Variants in CPQ observed in about 807,000 individuals in gnomAD.
The protein encoded by CPQ is Ser-Met dipeptidase.
CPQ carries 37 observed loss-of-function variants against 45.7 expected under a neutral mutation model. The ratio of observed to expected loss-of-function variants is 0.81; its 90% CI spans 0.62 to 1.07. The LOEUF (loss-of-function observed/expected upper bound fraction) is 1.07, where lower values mean the gene tolerates loss of function less well. CPQ is among the 50% of genes least tolerant of loss of function. The pLI is 0.00. For synonymous variants in CPQ, 186 were observed against 205.8 expected, an observed-to-expected ratio of 0.90 and a Z score of 0.82; for missense variants, 537 against 572.9, an observed-to-expected ratio of 0.94 and a Z score of 0.64.
At chr8:97,045,241 C>G (rs1159863057) in intron 6 of CPQ, among the ~76,000 whole-genome samples, 1 of 151,958 alleles carries the variant, frequency 6.6e-6, no homozygotes, top group Non-Finnish European at 1.5e-5. Context: ...TGATCTCAGA[C>G]TGCTGTGCTA....
chr8:96,897,631 G>A (rs1366001796), intron 4 of CPQ, among the ~76,000 whole-genome samples: 31 of 152,158 alleles, frequency 2.0e-4, no homozygotes, highest in Admixed American at 1.9e-3. Context: ...TGTATAAGGT[G>A]TATAAGAAAC....
chr8:97,040,118 A>G (rs1368948450), intron 6 of CPQ, among the ~76,000 whole-genome samples: 1 of 148,234 alleles, frequency 6.7e-6, no homozygotes, highest in East Asian at 2.0e-4. Context: ...AAGTGTTCCT[A>G]TTTCTCCACA....
intron 7 of CPQ, among the ~76,000 whole-genome samples, chr8:97,117,559 G>T (rs1358705851): frequency 6.6e-6 from 1 of 151,610 alleles, no homozygotes; most frequent in South Asian, 2.1e-4. Context: ...TTTGAGACAG[G>T]ATCTTGCCCT....
At chr8:96,840,503 G>A (rs972857756) in intron 3 of CPQ, among the ~76,000 whole-genome samples, 2 of 152,228 alleles carry the variant, frequency 1.3e-5, no homozygotes, top group African/African-American at 4.8e-5. Context: ...CCTAATACCC[G>A]TTGTATCAGA....
intron 1 of CPQ, among the ~76,000 whole-genome samples, chr8:96,769,032 C>T (rs542531732): frequency 6.6e-6 from 1 of 152,188 alleles, no homozygotes; most frequent in African/African-American, 2.4e-5. Context: ...ATATCTCCAA[C>T]TTTATAGTTT....
chr8:96,785,119 T>C lies in CPQ; in HGVS notation c.222T>C (p.Val74=), dbSNP rs1466780299. 3 of 1,613,636 alleles carry C rather than the reference T, an allele frequency of 1.9e-6. No individual in the cohort carries two copies. The highest frequency in any genetic ancestry group is 2.5e-6 in the Non-Finnish European group (3 of 1,179,828). ...GATTGGCACTTCTGGTTGATACTGT[T>C]GGACCCAGACTGAGTGGCTCCAAGA... ...YERLALLVDT[V]GPRLSGSKNL... The change falls in exon 2 of 8, where the codon GTT becomes GTC. Residue 74 remains valine, a synonymous_variant. Coordinates refer to ENST00000220763, the MANE Select transcript of CPQ (RefSeq NM_016134.4).
intron 1 of CPQ, among the ~76,000 whole-genome samples, chr8:96,717,341 C>A (rs1343335367): frequency 1.3e-5 from 2 of 151,832 alleles, no homozygotes; most frequent in Admixed American, 6.6e-5. Context: ...TACATTCCCA[C>A]CAGCAGTGTA....
At position 96,737,885 on chromosome 8, in the gene CPQ, A is replaced by G. The variant is rs139194481; in HGVS notation, c.-34-46979A>G. The stretch of plus-strand genomic sequence containing the variant: ...TGGCTCTAAATCTGTCTCTATCTGC[A>G]TCTCACAATTCTTGATTTGTAGTTC... On this transcript the variant is annotated intron_variant, in intron 1 of 7. Coordinates refer to ENST00000220763, the MANE Select transcript of CPQ (RefSeq NM_016134.4). Among the ~76,000 whole-genome samples, 722 of 152,288 alleles carry G rather than the reference A, an allele frequency of 4.7e-3. 11 individuals are homozygous for G. Among genetic ancestry groups the G allele is most frequent in the African/African-American group, 0.012 (509 of 41,564 alleles).
intron 1 of CPQ, among the ~76,000 whole-genome samples, chr8:96,713,354 TC>T (rs562409673): frequency 6.6e-4 from 100 of 152,236 alleles, no homozygotes; most frequent in Admixed American, 1.9e-3. Context: ...AGCGCCCCAT[TC>T]CCGTTACCAA....
chr8:97,135,956 G>C (rs1812050820), intron 7 of CPQ, among the ~76,000 whole-genome samples: 1 of 152,174 alleles, frequency 6.6e-6, no homozygotes, highest in African/African-American at 2.4e-5. Context: ...TGGTGACTTT[G>C]AGAATCTTTG....
rs576498257 is a variant in CPQ at position 96,963,026 on chromosome 8, A to G, written c.850-2909A>G. 1.7e-3 allele frequency among the ~76,000 whole-genome samples: 252 copies of G among 152,306 alleles called. 3 individuals carry two copies. The highest frequency in any genetic ancestry group is 0.013 in the Admixed American group (194 of 15,294). ...ATCGCTTAGTTTCCTATCATTCAAA[A>G]ACCATCTTTCCAATTTTTTAACTAC... On this transcript the variant is annotated intron_variant, in intron 4 of 7. Transcript: ENST00000220763.
intron 1 of CPQ, among the ~76,000 whole-genome samples, chr8:96,778,898 C>T (rs1810649767): frequency 6.6e-6 from 1 of 151,876 alleles, no homozygotes; most frequent in Non-Finnish European, 1.5e-5. Flanking sequence ...AAAGCTGTCT[C>T]TACTGAAAAT....
chr8:96,824,068 T>G (rs1292650335), intron 2 of CPQ, among the ~76,000 whole-genome samples: 1 of 152,086 alleles, frequency 6.6e-6, no homozygotes, highest in Non-Finnish European at 1.5e-5. Flanking sequence ...TTAGTGGAGA[T>G]GGCCTCTAAA....
intron 3 of CPQ, among the ~76,000 whole-genome samples, chr8:96,843,992 T>C (rs1811651531): frequency 6.6e-6 from 1 of 152,242 alleles, no homozygotes. Context: ...TTGGCTGCTA[T>C]TTTGCATTCA....
At chr8:96,697,871 A>G (rs926814885) in intron 1 of CPQ, among the ~76,000 whole-genome samples, 1 of 152,174 alleles carries the variant, frequency 6.6e-6, no homozygotes, top group African/African-American at 2.4e-5. Flanking sequence ...AAAAAATGGA[A>G]AGATATTCCA....
chr8:97,130,568 A>C (rs1295486558), intron 7 of CPQ, among the ~76,000 whole-genome samples: 1 of 152,074 alleles, frequency 6.6e-6, no homozygotes, highest in Non-Finnish European at 1.5e-5. Flanking sequence ...TGTCCTAAAA[A>C]ATTATATTAA....
chr8:97,004,929 T>A (rs1211286390), intron 5 of CPQ, among the ~76,000 whole-genome samples: 2 of 152,190 alleles, frequency 1.3e-5, no homozygotes, highest in Non-Finnish European at 2.9e-5. Flanking sequence ...ATTTTTATGA[T>A]GAATGTGATT....
chr8:97,073,663 G>C (rs1187175838), intron 7 of CPQ, among the ~76,000 whole-genome samples: 1 of 152,176 alleles, frequency 6.6e-6, no homozygotes, highest in African/African-American at 2.4e-5. Context: ...ACTGAGGAGA[G>C]AGGATGAAAA....
intron 3 of CPQ, among the ~76,000 whole-genome samples, chr8:96,862,355 A>G (rs1420954548): frequency 1.3e-5 from 2 of 151,586 alleles, no homozygotes; most frequent in African/African-American, 2.4e-5. Flanking sequence ...GAGAGGAGAG[A>G]AAGACTGGTT....
Sources: allele counts gnomAD v4.1 joint callset (sites outside exome capture counted in the v4.1 genomes callset), GRCh38; gene constraint gnomAD v4.1.1; transcripts MANE v1.5; gene names NCBI Gene and HGNC (gene_info 2026-07-23, HGNC 2026-07-21).